The following CFAP161 variants were observed in gnomAD, a reference collection of about 807,000 sequenced individuals.
CFAP161 encodes cilia- and flagella-associated protein 161.
In CFAP161, 25 loss-of-function variants were observed where a neutral mutation model predicts 29.0. The ratio of observed to expected loss-of-function variants is 0.86; its 90% CI spans 0.63 to 1.20. The LOEUF (loss-of-function observed/expected upper bound fraction) is 1.20, where lower values mean the gene tolerates loss of function less well. CFAP161 is among the 50% of genes most tolerant of loss of function. CFAP161 has a pLI of 0.00. For missense variants in CFAP161, 367 were observed against 371.9 expected (o/e 0.99, Z 0.11); for synonymous variants, 116 against 137.4 (o/e 0.84, Z 1.09).
chr15:81,105,770 G>T (rs1457361191), intron 1 of CFAP161, among the ~76,000 whole-genome samples: 2 of 152,204 alleles, frequency 1.3e-5, no homozygotes, highest in Non-Finnish European at 2.9e-5. Flanking sequence ...CACGTGATGT[G>T]CAAACACAGG....
chr15:81,123,945 C>T (rs1443145359), intron 1 of CFAP161, among the ~76,000 whole-genome samples: 1 of 152,116 alleles, frequency 6.6e-6, no homozygotes, highest in East Asian at 1.9e-4. Context: ...TGGGCTGAGA[C>T]GATGGGGTTT....
chr15:81,137,964 C>G (rs55908952), intron 3 of CFAP161, 87 bp from the exon 4 acceptor site: 221,390 of 965,498 alleles, frequency 0.23, 29,241 homozygotes, highest in Non-Finnish European at 0.28. Flanking sequence ...TGATTATAAA[C>G]AAAATTGCAT....
At position 81,148,321 on chromosome 15, in the gene CFAP161, A is replaced by T. The variant is rs1895044864; in HGVS notation, c.711-17A>T. ...GTTATTCAATTTCAAACCACAACTGATTCTCTCTTGCTCCAGCACCTATTT... is the reference window on the plus strand; with the variant it reads ...GTTATTCAATTTCAAACCACAACTGTTTCTCTCTTGCTCCAGCACCTATTT... On this transcript the variant is annotated splice_polypyrimidine_tract_variant and intron_variant, in intron 6 of 6. Coordinates refer to ENST00000286732, the MANE Select transcript of CFAP161 (RefSeq NM_173528.4). 6.3e-7 allele frequency: 1 copy of T among 1,595,742 alleles called. No individual in the cohort carries two copies. The highest frequency in any genetic ancestry group is 1.7e-5 in the Admixed American group (1 of 59,484).
intron 1 of CFAP161, among the ~76,000 whole-genome samples, chr15:81,109,021 T>C (rs898536949): frequency 4.6e-5 from 7 of 152,256 alleles, no homozygotes; most frequent in African/African-American, 1.2e-4. Context: ...AAATTGCCCA[T>C]GTATGATAAG....
chr15:81,113,422 G>A (rs1186122583), intron 1 of CFAP161, among the ~76,000 whole-genome samples: 1 of 152,130 alleles, frequency 6.6e-6, no homozygotes, highest in Middle Eastern at 3.2e-3. Flanking sequence ...GATTTCACAG[G>A]CTAAAAGCGT....
upstream of CFAP161, among the ~76,000 whole-genome samples, chr15:81,134,067 A>T (rs1277003606): frequency 1.3e-5 from 2 of 152,234 alleles, no homozygotes; most frequent in Admixed American, 6.5e-5. Context: ...TCTCGGAAGC[A>T]CTTTGTCAGC....
chr15:81,132,516 A>T (rs1894725450), upstream of CFAP161, among the ~76,000 whole-genome samples: 1 of 152,210 alleles, frequency 6.6e-6, no homozygotes, highest in Non-Finnish European at 1.5e-5. Context: ...AATACCATAG[A>T]GCACCAATAA....
chr15:81,134,459 G>A, intron 1 of CFAP161, 61 bp downstream of exon 1: 1 of 1,523,184 alleles, frequency 6.6e-7, no homozygotes, highest in South Asian at 1.2e-5. Context: ...CCTGCTCTAA[G>A]TTCAGTCTCC....
intron 1 of CFAP161, among the ~76,000 whole-genome samples, chr15:81,134,996 G>A (rs1235744510): frequency 2.0e-5 from 3 of 152,134 alleles, no homozygotes; most frequent in Non-Finnish European, 4.4e-5. Context: ...GGGGAGACAT[G>A]GCCTCCAAAT....
Position 81,118,527 on chromosome 15 carries a change from C to A in CFAP161, c.-141-9063C>A, listed in dbSNP as rs1211504113. ...CCGCCCTCAGCGGGAAAGCCACTCACCCGCTGGGGCGTCCGCCTGCAGCGC... is the reference window on the plus strand; with the variant it reads ...CCGCCCTCAGCGGGAAAGCCACTCAACCGCTGGGGCGTCCGCCTGCAGCGC... On this transcript the variant is annotated intron_variant, in intron 1 of 4. Transcript: ENST00000560091. Among the ~76,000 whole-genome samples, 4 of 152,346 alleles carry A rather than the reference C, an allele frequency of 2.6e-5. No individual in the cohort carries two copies. In the East Asian group the frequency reaches 7.7e-4, roughly 29 times the overall value.
intron 2 of CFAP161, among the ~76,000 whole-genome samples, chr15:81,128,151 G>A (rs1428383019): frequency 6.6e-6 from 1 of 152,144 alleles, no homozygotes; most frequent in Non-Finnish European, 1.5e-5. Flanking sequence ...GCATATAAGT[G>A]TGAGAACCCT....
intron 1 of CFAP161, among the ~76,000 whole-genome samples, chr15:81,103,015 T>C (rs1292579626): frequency 2.0e-5 from 3 of 152,062 alleles, no homozygotes; most frequent in Admixed American, 2.0e-4. Flanking sequence ...AGACCAAATA[T>C]CTTAGCCTCA....
chr15:81,140,406 CT>C (rs1352881054), intron 4 of CFAP161, among the ~76,000 whole-genome samples: 1 of 152,168 alleles, frequency 6.6e-6, no homozygotes, highest in Non-Finnish European at 1.5e-5. Flanking sequence ...TCCCAGATGA[CT>C]GGTCAGTTAT....
intron 4 of CFAP161, among the ~76,000 whole-genome samples, chr15:81,138,402 A>G (rs1036466835): frequency 2.6e-5 from 4 of 152,264 alleles, no homozygotes; most frequent in African/African-American, 9.6e-5. Context: ...GCAAAAAGCA[A>G]AAGTTTATAC....
At chr15:81,115,565 A>C (rs1300765281) in intron 1 of CFAP161, among the ~76,000 whole-genome samples, 1 of 151,168 alleles carries the variant, frequency 6.6e-6, no homozygotes, top group Non-Finnish European at 1.5e-5. Context: ...GTACTTCTGA[A>C]GACATTTAAT....
intron 1 of CFAP161, among the ~76,000 whole-genome samples, chr15:81,120,885 A>C (rs2663926): frequency 0.52 from 79,201 of 152,054 alleles, 23,167 homozygotes; most frequent in Non-Finnish European, 0.68. Flanking sequence ...TATCTGGATG[A>C]AATAGAAACT....
chr15:81,136,595 C>T lies in CFAP161; in HGVS notation c.239C>T (p.Thr80Ile), dbSNP rs1894813499. ...CTTGTGAATCCTGATGATCCTGACA[C>T]AGAAGCTGATGTGTTTCTGCGTGGG... Reference protein sequence around the residue: ...VMLVNPDDPDTEADVFLRGDL... With the variant: ...VMLVNPDDPDIEADVFLRGDL... Residue 80 changes from threonine to isoleucine, a missense_variant, in exon 3 of 7, where the codon ACA (threonine) becomes ATA (isoleucine). Physicochemically the swap from Thr to Ile is moderately conservative, Grantham distance 89 (BLOSUM62 -1). Transcript: ENST00000286732. The T allele has an allele frequency of 1.9e-6, 3 of 1,614,154 alleles. No homozygotes were observed. The highest frequency in any genetic ancestry group is 1.7e-6 in the Non-Finnish European group (2 of 1,180,028).
intron 5 of CFAP161, 152 bp from the exon 6 acceptor site, chr15:81,147,706 G>A: frequency 3.7e-6 from 2 of 534,526 alleles, no homozygotes; most frequent in East Asian, 3.1e-5. Flanking sequence ...TTGTGAAGTG[G>A]CACATGACTG....
At chr15:81,134,264 C>T (rs1387072355), upstream of CFAP161, 1 of 1,543,068 alleles carries the variant, frequency 6.5e-7, no homozygotes, top group Non-Finnish European at 8.8e-7. Context: ...GCCGGGTCGT[C>T]ATGGCGACGC....
Sources: allele counts gnomAD v4.1 joint callset (sites outside exome capture counted in the v4.1 genomes callset), GRCh38; gene constraint gnomAD v4.1.1; transcripts MANE v1.5; gene names NCBI Gene and HGNC (gene_info 2026-07-23, HGNC 2026-07-21).